The following PCDHGA2 variants were observed in gnomAD, a reference collection of about 807,000 sequenced individuals.
The protein encoded by PCDHGA2 is protocadherin gamma subfamily A, 2.
A neutral mutation model predicts 59.2 loss-of-function variants in PCDHGA2; 40 were observed. That is an observed-to-expected ratio of 0.68 (90% CI 0.52 to 0.88). The LOEUF (loss-of-function observed/expected upper bound fraction) is 0.88. PCDHGA2 is among the 40% of genes least tolerant of loss of function. PCDHGA2 has a pLI of 0.00. For missense variants in PCDHGA2, 1,226 were observed against 1,204.0 expected, an observed-to-expected ratio of 1.02 and a Z score of -0.27; for synonymous variants, 560 against 526.0, an observed-to-expected ratio of 1.06 and a Z score of -0.89.
At chr5:141,385,005 C>T in intron 1 of PCDHGA2, 1 of 1,614,138 alleles carries the variant, frequency 6.2e-7, no homozygotes, top group Non-Finnish European at 8.5e-7. Flanking sequence ...CAGTCTCCTG[C>T]GTCTTCCTAG....
At position 141,478,334 on chromosome 5, in the gene PCDHGA2, C is replaced by T. The variant is rs1303200872; in HGVS notation, c.2425-16473C>T. 2.5e-6 allele frequency: 4 copies of T among 1,613,944 alleles called. No individual in the cohort carries two copies. The highest frequency in any genetic ancestry group is 3.4e-6 in the Non-Finnish European group (4 of 1,180,016). ...GAGCTCACTGTACCGAACACCAGGG[C>T]CCTCCTTGCACGCGGACGCCGTGCG... On this transcript the variant is annotated intron_variant, in intron 1 of 3. Coordinates refer to ENST00000394576, the MANE Select transcript of PCDHGA2 (RefSeq NM_018915.4).
At chr5:141,469,721 A>G (rs1238006043) in intron 1 of PCDHGA2, among the ~76,000 whole-genome samples, 5 of 152,270 alleles carry the variant, frequency 3.3e-5, no homozygotes, top group African/African-American at 1.2e-4. Context: ...TTAGGAATTT[A>G]TCATAAATAC....
chr5:141,344,537 G>T, intron 1 of PCDHGA2: 2 of 1,614,024 alleles, frequency 1.2e-6, no homozygotes, highest in Non-Finnish European at 1.7e-6. Flanking sequence ...ACTCCCTGCA[G>T]AACTACAAGC....
At position 141,485,656 on chromosome 5, in the gene PCDHGA2, T is replaced by C. The variant is rs147216126; in HGVS notation, c.2425-9151T>C. On this transcript the variant is annotated intron_variant, in intron 1 of 3. Coordinates refer to ENST00000394576, the MANE Select transcript of PCDHGA2 (RefSeq NM_018915.4). This position sits in a 1 kb window ranked among gnomAD's most constrained non-coding sequence, Gnocchi z 5.7. ...CGTTGGAAAAGGCTCAGGATGCAGA[T>C]GTGGGGAGCAATTCGATTAGCAGCT... 23 of 1,612,648 alleles carry C rather than the reference T, an allele frequency of 1.4e-5. No homozygotes were observed. The African/African-American group carries it at 2.8e-4, about 20-fold the overall frequency.
intron 1 of PCDHGA2, chr5:141,404,708 T>C: frequency 6.2e-7 from 1 of 1,614,064 alleles, no homozygotes; most frequent in Non-Finnish European, 8.5e-7. Context: ...AGAGCCTGGC[T>C]ACCTGGTGAC....
chr5:141,378,114 A>C (rs1024564517), intron 1 of PCDHGA2: 2 of 152,284 alleles, frequency 1.3e-5, no homozygotes, highest in Non-Finnish European at 2.9e-5. Context: ...CAGCATAGTG[A>C]ACACGTATTT....
At chr5:141,436,632 G>T (rs763510513) in intron 1 of PCDHGA2, among the ~76,000 whole-genome samples, 2 of 152,130 alleles carry the variant, frequency 1.3e-5, no homozygotes, top group Non-Finnish European at 2.9e-5. Context: ...TTCACAACAT[G>T]CAATTAATTA....
At chr5:141,405,096 G>A (rs2094608531) in intron 1 of PCDHGA2, 6 of 1,613,808 alleles carry the variant, frequency 3.7e-6, no homozygotes, top group Admixed American at 1.7e-5. Flanking sequence ...CTGGCCCTCA[G>A]GCTGAGGCAC....
chr5:141,410,101 C>T, intron 1 of PCDHGA2: 1 of 1,612,490 alleles, frequency 6.2e-7, no homozygotes, highest in African/African-American at 1.3e-5. Flanking sequence ...GAGCCTTAGG[C>T]GACAGGGACG....
intron 1 of PCDHGA2, among the ~76,000 whole-genome samples, chr5:141,448,043 G>A (rs1000669754): frequency 3.3e-5 from 5 of 151,870 alleles, no homozygotes; most frequent in African/African-American, 1.2e-4. Context: ...CCAAGATCAT[G>A]CCATTGCTCT....
chr5:141,356,126 A>T (rs751862164), intron 1 of PCDHGA2: 1 of 1,613,926 alleles, frequency 6.2e-7, no homozygotes. Context: ...GGTCTAGATT[A>T]TGAGGACTCT....
chr5:141,394,506 C>G, intron 1 of PCDHGA2: 2 of 1,614,214 alleles, frequency 1.2e-6, no homozygotes, highest in Non-Finnish European at 1.7e-6. Context: ...GATCCTGTAC[C>G]CCGCCCTCCC....
chr5:141,422,656 G>A (rs759548203), intron 1 of PCDHGA2: 3 of 1,609,780 alleles, frequency 1.9e-6, no homozygotes, highest in Non-Finnish European at 1.7e-6. Context: ...CTCAGTGACC[G>A]CCCTCGACCC....
At chr5:141,370,613 A>G (rs753080361) in intron 1 of PCDHGA2, 6 of 1,613,908 alleles carry the variant, frequency 3.7e-6, no homozygotes, top group Non-Finnish European at 5.1e-6. Context: ...CAGAGAAGAA[A>G]TTCTTTACCG....
At chr5:141,393,138 C>G (rs2092688516) in intron 1 of PCDHGA2, 1 of 1,613,196 alleles carries the variant, frequency 6.2e-7, no homozygotes, top group Non-Finnish European at 8.5e-7. Flanking sequence ...TATTAACACC[C>G]TGGTTGAGGA....
Position 141,415,384 on chromosome 5 carries a change from A to G in PCDHGA2, c.2424+73989A>G, listed in dbSNP as rs767664633. ...GCTGCAGGCTTCAGGAGGCGGCTTG[A>G]CAGGTGTGTCCGGCTCGCACTTTGT... On this transcript the variant is annotated intron_variant, in intron 1 of 3. Coordinates refer to ENST00000394576, the MANE Select transcript of PCDHGA2 (RefSeq NM_018915.4). 9.3e-6 allele frequency: 15 copies of G among 1,614,156 alleles called. No homozygotes were observed. The East Asian group carries it at 2.2e-4, about 24-fold the overall frequency.
At position 141,485,698 on chromosome 5, in the gene PCDHGA2, T is replaced by C. The variant is rs1175015922; in HGVS notation, c.2425-9109T>C. ...TTAGCAGCTATAGGCTGAGCTCCAA[T>C]GAACACTTTGCACTGGATGTGAAGA... On this transcript the variant is annotated intron_variant, in intron 1 of 3. Transcript: ENST00000394576. This position sits in a 1 kb window ranked among gnomAD's most constrained non-coding sequence, Gnocchi z 5.7. 6.2e-7 allele frequency: 1 copy of C among 1,613,994 alleles called. No homozygotes were observed. The highest frequency in any genetic ancestry group is 8.5e-7 in the Non-Finnish European group (1 of 1,180,002).
chr5:141,376,067 G>A (rs766311632), intron 1 of PCDHGA2: 4 of 1,613,402 alleles, frequency 2.5e-6, no homozygotes, highest in Non-Finnish European at 3.4e-6. Context: ...CACGCTCACC[G>A]TGGCCGTGGC....
intron 1 of PCDHGA2, among the ~76,000 whole-genome samples, chr5:141,481,426 A>T (rs1431602618): frequency 6.6e-6 from 1 of 152,238 alleles, no homozygotes; most frequent in Non-Finnish European, 1.5e-5. Context: ...TGTGATGATG[A>T]TTGTATCAGT....
Sources: gnomAD v4.1 joint callset for allele counts (sites outside exome capture counted in the v4.1 genomes callset) on GRCh38, gnomAD v4.1.1 for gene constraint, Gnocchi (gnomAD v3.1) non-coding constraint, MANE v1.5 for transcripts, NCBI Gene and HGNC (gene_info 2026-07-23, HGNC 2026-07-21) for gene names.